The following GSR variants were observed in gnomAD, a reference collection of about 807,000 sequenced individuals.
GSR encodes glutathione-disulfide reductase, also known as glutathione reductase, mitochondrial.
GSR carries 48 observed loss-of-function variants against 56.5 expected under a neutral mutation model. The observed-to-expected ratio is 0.85, with a 90% CI of 0.67 to 1.08. The LOEUF is 1.08. Ranked by LOEUF, GSR falls within the 50% of genes least tolerant of loss-of-function variation. The probability of loss-of-function intolerance (pLI) is 0.00; values close to 1 mark genes in which losing one functional copy is unlikely to be tolerated. For synonymous variants in GSR, 264 were observed against 270.8 expected (o/e 0.97, Z 0.25); for missense variants, 694 against 703.3 (o/e 0.99, Z 0.15).
At chr8:30,719,833 A>G (rs1481408700) in intron 1 of GSR, among the ~76,000 whole-genome samples, 3 of 152,184 alleles carry the variant, frequency 2.0e-5, no homozygotes, top group African/African-American at 7.2e-5. Context: ...AGCCAGGTAG[A>G]AACTTCACAT....
At chr8:30,699,148 A>C (rs777594128) in intron 6 of GSR, among the ~76,000 whole-genome samples, 6 of 152,098 alleles carry the variant, frequency 3.9e-5, no homozygotes, top group Admixed American at 1.3e-4. Flanking sequence ...AAAGTTAACC[A>C]GGTATGGTGG....
At chr8:30,708,220 A>G in intron 3 of GSR, 79 bp from the exon 4 acceptor site, 1 of 1,006,162 alleles carries the variant, frequency 9.9e-7, no homozygotes, top group Non-Finnish European at 1.6e-6. Context: ...GTCCCTGAAC[A>G]CCCCGAGCAG....
In GSR at chr8:30,709,904, T is replaced by C. The variant is rs1804068192; in HGVS notation, c.334-2A>G. On this transcript the variant is annotated splice_acceptor_variant, in intron 2 of 12. Coordinates refer to ENST00000221130, the MANE Select transcript of GSR (RefSeq NM_000637.5). LOFTEE classifies it high-confidence loss of function. ...GTGGACAGCTGTGTTCCACATTACCTGTAAAAAAAAAAAAAAAAAAGGATC... is the reference window on the plus strand; with the variant it reads ...GTGGACAGCTGTGTTCCACATTACCCGTAAAAAAAAAAAAAAAAAAGGATC... 3.8e-6 allele frequency: 5 copies of C among 1,316,456 alleles called. No homozygotes were observed. The highest frequency in any genetic ancestry group is 4.1e-6 in the Non-Finnish European group (4 of 967,054). 81.5% of individuals were successfully genotyped at this position (1,316,456 alleles called of 1,614,324 possible).
rs1377820430 is a variant in GSR, at chr8:30,707,992, G to A, written c.492+80C>T. 4.6e-6 allele frequency: 4 copies of A among 874,756 alleles called. No individual in the cohort carries two copies. The African/African-American group carries it at 5.0e-5, about 11-fold the overall frequency. The allele number at this position is 874,756 out of a possible 1,614,324, so 54.2% of individuals were successfully genotyped here. A position where few individuals can be genotyped will look rare whatever the true frequency, so the allele number is the denominator to read the frequency against. On this transcript the variant is annotated intron_variant, in intron 4 of 12. Transcript: ENST00000221130. ...ATAATAAAAATAAATAAATAAATAG[G>A]GCTACAGTCTGGCAAGACTTAGCTG...
chr8:30,678,131 CAAG>C lies in GSR; in HGVS notation c.*1386_*1388del, dbSNP rs898577078. On this transcript the variant is annotated 3_prime_UTR_variant, in exon 13 of 13. Transcript: ENST00000221130. ...AGTTTTTCAGAAAAAAATAAAATGA[CAAG>C]AACACATACAAATATTGAAATTATT... The C allele has an allele frequency of 3.4e-4, 51 of 151,944 alleles. No individual in the cohort carries two copies. The highest frequency in any genetic ancestry group is 3.3e-3 in the Admixed American group (51 of 15,242). 9.4% of individuals were successfully genotyped at this position (151,944 alleles called of 1,614,324 possible).
intron 6 of GSR, among the ~76,000 whole-genome samples, chr8:30,696,805 C>T (rs998729719): frequency 1.3e-5 from 2 of 152,280 alleles, no homozygotes; most frequent in Non-Finnish European, 2.9e-5. Context: ...AAGCCATCCT[C>T]CAGCCTCAGC....
rs2280854 is a variant in GSR at position 30,727,647 on chromosome 8, G to A, written c.189C>T (p.Ala63=). Residue 63 remains alanine (A), a synonymous_variant, in exon 1 of 13, where the codon GCC becomes GCT. Coordinates refer to ENST00000221130, the MANE Select transcript of GSR (RefSeq NM_000637.5). ...QGPPPAAGAV[A]SYDYLVIGGG... is the part of the protein sequence containing the mutation. ...CCCCGATCACCAGGTAGTCATAGGA[G>A]GCCACGGCGCCAGCAGCGGGCGGCG... 16,726 of 1,471,350 alleles carry A rather than the reference G, an allele frequency of 0.011. 668 individuals are homozygous for A. In the African/African-American group the frequency reaches 0.12, roughly 10 times the overall value. 91.1% of individuals were successfully genotyped at this position (1,471,350 alleles called of 1,614,324 possible).
intron 1 of GSR, among the ~76,000 whole-genome samples, chr8:30,726,228 T>C (rs1391521774): frequency 6.6e-6 from 1 of 152,226 alleles, no homozygotes; most frequent in Non-Finnish European, 1.5e-5. Context: ...TTTAGTTTCA[T>C]TCATTGCACA....
rs1804791902 is a variant in GSR at position 30,727,705 on chromosome 8, A to G, written c.131T>C (p.Met44Thr). 3 of 1,430,378 alleles carry G rather than the reference A, an allele frequency of 2.1e-6. No individual in the cohort carries two copies. Among genetic ancestry groups the G allele is most frequent in the Non-Finnish European group, 2.7e-6 (3 of 1,100,450 alleles). 88.6% of individuals were successfully genotyped at this position (1,430,378 alleles called of 1,614,324 possible). Residue 44 changes from methionine to threonine, a missense_variant, in exon 1 of 13, where the codon ATG becomes ACG. Physicochemically the swap from Met to Thr is moderately conservative, Grantham distance 81. Coordinates refer to ENST00000221130, the MANE Select transcript of GSR (RefSeq NM_000637.5). ...CGGCTGCGGCTCCTGCCTGCAGGCC[A>G]TGGCACGGGAGAGGGCGCGCGTGAG... ...AALTRALSRA[M>T]ACRQEPQPQG...
At chr8:30,695,193 CT>C (rs749162850) in intron 7 of GSR, among the ~76,000 whole-genome samples, 51 of 152,206 alleles carry the variant, frequency 3.4e-4, no homozygotes, top group Admixed American at 6.6e-4. Context: ...AATTTGTACA[CT>C]TTCTTAAAAT....
intron 1 of GSR, among the ~76,000 whole-genome samples, chr8:30,725,688 C>A (rs550867864): frequency 6.6e-6 from 1 of 151,952 alleles, no homozygotes; most frequent in African/African-American, 2.4e-5. Context: ...TTGAGACCAG[C>A]CTGGCCAACA....
intron 7 of GSR, among the ~76,000 whole-genome samples, chr8:30,693,640 C>T (rs377650689): frequency 9.9e-5 from 15 of 152,078 alleles, no homozygotes; most frequent in African/African-American, 2.7e-4. Context: ...GCAATTCTCC[C>T]GCCTCATCCT....
At chr8:30,720,071 G>A (rs779900482) in intron 1 of GSR, among the ~76,000 whole-genome samples, 10 of 151,908 alleles carry the variant, frequency 6.6e-5, no homozygotes, top group Non-Finnish European at 1.0e-4. Context: ...AAAATTAGCC[G>A]GGTGTGGTGT....
In GSR at chr8:30,682,441, T is replaced by C. The variant is rs8191028; in HGVS notation, c.1154-380A>G. Among the ~76,000 whole-genome samples, 140 of 152,320 alleles carry C rather than the reference T, an allele frequency of 9.2e-4. 1 individual carries two copies. In the South Asian group the frequency reaches 0.012, roughly 13 times the overall value. On this transcript the variant is annotated intron_variant, in intron 10 of 12. Transcript: ENST00000221130. ...CCTCATGCACACATTTAAAATATCG[T>C]ATAAAGTTACCTACCAACTATGTGT... is the stretch of plus-strand genomic sequence containing the variant.
intron 8 of GSR, among the ~76,000 whole-genome samples, chr8:30,691,591 G>T (rs895390902): frequency 6.6e-6 from 1 of 151,398 alleles, no homozygotes; most frequent in African/African-American, 2.4e-5. Context: ...TGAGGCAGGA[G>T]AATCCCTTGA....
intron 9 of GSR, 28 bp from the exon 10 acceptor site, chr8:30,684,227 C>T (rs749997505): frequency 1.4e-4 from 173 of 1,234,454 alleles, no homozygotes; most frequent in Middle Eastern, 3.7e-4. Flanking sequence ...TATCATGTAA[C>T]CACTTGGCCC....
intron 1 of GSR, among the ~76,000 whole-genome samples, chr8:30,719,432 GGA>G (rs760699527): frequency 4.6e-5 from 7 of 151,738 alleles, no homozygotes; most frequent in Non-Finnish European, 1.0e-4. Context: ...TGAATTTTTA[GGA>G]GAGATGGGGT....
chr8:30,700,868 A>G (rs940739250), intron 5 of GSR, among the ~76,000 whole-genome samples: 1 of 152,082 alleles, frequency 6.6e-6, no homozygotes, highest in Non-Finnish European at 1.5e-5. Context: ...TGAAAAGGAG[A>G]TTGAAACCTT....
At position 30,679,312 on chromosome 8, in the gene GSR, T is replaced by C. The variant is rs1802857899; in HGVS notation, c.*208A>G. ...CTTGAAAATATTAATTACTGTGAGA[T>C]GTGATCAAATGAAAATCAATCCTGG... On this transcript the variant is annotated 3_prime_UTR_variant, in exon 13 of 13. Transcript: ENST00000221130. 1.7e-6 allele frequency: 1 copy of C among 597,606 alleles called. No homozygotes were observed. Among genetic ancestry groups the C allele is most frequent in the South Asian group, 2.0e-5 (1 of 49,472 alleles). 37.0% of individuals were successfully genotyped at this position (597,606 alleles called of 1,614,324 possible).
Sources: allele counts gnomAD v4.1 joint callset (sites outside exome capture counted in the v4.1 genomes callset), GRCh38; gene constraint gnomAD v4.1.1; transcripts MANE v1.5; gene names NCBI Gene and HGNC (gene_info 2026-07-23, HGNC 2026-07-21).